The following CHRNA5 variants were observed in gnomAD, a reference collection of about 807,000 sequenced individuals.
CHRNA5 encodes cholinergic receptor nicotinic alpha 5 subunit.
Under a neutral mutation model 41.2 loss-of-function variants are expected in CHRNA5, and 28 were observed. The observed-to-expected ratio is 0.68, with a 90% confidence interval of 0.50 to 0.93. The LOEUF is 0.93. Ranked by LOEUF, CHRNA5 falls within the 40% of genes least tolerant of loss-of-function variation. CHRNA5 has a pLI of 0.00. For synonymous variants in CHRNA5, 188 were observed against 205.8 expected (o/e 0.91, Z 0.74); for missense variants, 481 against 581.9 (o/e 0.83, Z 1.78).
chr15:78,567,488 T>A lies in CHRNA5; in HGVS notation c.106+1663T>A, dbSNP rs1027351896. On this transcript the variant is annotated intron_variant, in intron 1 of 5. Transcript: ENST00000299565. ...TAGTGTAAATAGCTATCTCCCTTCATGCATGGTGTTCAGTGTTATAACAAA... is the reference window on the plus strand; with the variant it reads ...TAGTGTAAATAGCTATCTCCCTTCAAGCATGGTGTTCAGTGTTATAACAAA... Among the ~76,000 whole-genome samples the A allele has an allele frequency of 2.0e-5, 3 of 152,200 alleles. No individual in the cohort carries two copies. The East Asian group carries it at 5.8e-4, about 29-fold the overall frequency.
chr15:78,577,974 AC>A lies in CHRNA5; in HGVS notation c.107-2834del. On this transcript the variant is annotated intron_variant, in intron 1 of 5. Coordinates refer to ENST00000299565, the Ensembl canonical transcript of CHRNA5. ...TATTTATTAATACTTTTATCTTTTA[AC>A]CCTTAAATTTTTGGTATTTCAGGGA... 5.3e-5 allele frequency among the ~76,000 whole-genome samples: 8 copies of A among 151,740 alleles called. 1 individual carries two copies. The South Asian group carries it at 1.7e-3, about 32-fold the overall frequency.
chr15:78,573,137 C>A (rs1043975283), intron 1 of CHRNA5, among the ~76,000 whole-genome samples: 2 of 152,222 alleles, frequency 1.3e-5, no homozygotes, highest in African/African-American at 4.8e-5. Context: ...TGTCTGGAGA[C>A]ATGATTGGTT....
At chr15:78,574,482 A>G (rs1372226820) in intron 1 of CHRNA5, among the ~76,000 whole-genome samples, 1 of 152,056 alleles carries the variant, frequency 6.6e-6, no homozygotes, top group African/African-American at 2.4e-5. Flanking sequence ...GACACTACCT[A>G]ACATAGTAAG....
chr15:78,571,786 A>T lies in CHRNA5; in HGVS notation c.106+5961A>T, dbSNP rs181012469. Among the ~76,000 whole-genome samples the T allele has an allele frequency of 3.4e-4, 52 of 152,314 alleles. 1 individual carries two copies. The East Asian group carries it at 7.7e-3, about 23-fold the overall frequency. ...GTGATAAAAATCAATATAAAATATA[A>T]TGAAAATCCTGGAGCGAAAAAAATC... On this transcript the variant is annotated intron_variant, in intron 1 of 5. Coordinates refer to ENST00000299565, the Ensembl canonical transcript of CHRNA5.
At chr15:78,590,291 A>C (rs757408983) in exon 5 of CHRNA5, 3 of 1,613,940 alleles carry the variant, frequency 1.9e-6, no homozygotes, top group Non-Finnish European at 1.7e-6. Flanking sequence ...TGGTTATTGA[A>C]GAGATCATAC....
rs199906605 is a variant in CHRNA5 at position 78,583,029 on chromosome 15, AT to A, written c.258+2080del. Among the ~76,000 whole-genome samples, 584 of 146,238 alleles carry A rather than the reference AT, an allele frequency of 4.0e-3. 19 individuals are homozygous for A. In the East Asian group the frequency reaches 0.069, roughly 17 times the overall value. ...TAAGACAGCCTCTCCTGTGTTCAAAATTTTTTTTTTTTTGCACTTTAATATG... is the reference window on the plus strand; with the variant it reads ...TAAGACAGCCTCTCCTGTGTTCAAAATTTTTTTTTTTTGCACTTTAATATG... On this transcript the variant is annotated intron_variant, in intron 2 of 5. Transcript: ENST00000299565.
At chr15:78,583,538 C>CA (rs1002967360) in intron 2 of CHRNA5, among the ~76,000 whole-genome samples, 2 of 151,744 alleles carry the variant, frequency 1.3e-5, no homozygotes, top group Admixed American at 6.6e-5. Context: ...CTAAAAAATA[C>CA]AAAAAAATTA....
rs202079097 is a variant in CHRNA5 at position 78,569,432 on chromosome 15, AT to A, written c.106+3626del. Among the ~76,000 whole-genome samples the A allele has an allele frequency of 2.2e-3, 298 of 137,362 alleles. 1 individual carries two copies. Among genetic ancestry groups the A allele is most frequent in the Middle Eastern group, 7.8e-3 (2 of 258 alleles). 90.1% of individuals were successfully genotyped at this position (137,362 alleles called of 152,430 possible). ...ACAATTAGAGTTGTTAAATATTGGA[AT>A]TTTTTTTTTTTTTTTTTTGAGACGG... On this transcript the variant is annotated intron_variant, in intron 1 of 5. Transcript: ENST00000299565.
intron 1 of CHRNA5, among the ~76,000 whole-genome samples, chr15:78,566,811 G>A (rs2052751899): frequency 1.3e-5 from 2 of 151,118 alleles, no homozygotes; most frequent in Non-Finnish European, 2.9e-5. Flanking sequence ...TAAGATGGAG[G>A]GTGATTTAAA....
intron 2 of CHRNA5, 112 bp downstream of exon 2, chr15:78,581,074 C>G: frequency 9.1e-7 from 1 of 1,097,592 alleles, no homozygotes; most frequent in Non-Finnish European, 1.3e-6. Context: ...TGAAGCAGTC[C>G]TTTGCCTGAA....
intron 5 of CHRNA5, among the ~76,000 whole-genome samples, chr15:78,592,054 T>C (rs2053020526): frequency 6.6e-6 from 1 of 152,210 alleles, no homozygotes. Flanking sequence ...CCAGGTGCGG[T>C]GGCTCACGCC....
intron 2 of CHRNA5, among the ~76,000 whole-genome samples, chr15:78,582,960 C>T (rs746009400): frequency 1.3e-5 from 2 of 152,134 alleles, no homozygotes; most frequent in Non-Finnish European, 2.9e-5. Flanking sequence ...TATTCAAGGC[C>T]AAATTCATCT....
exon 6 of CHRNA5, chr15:78,595,266 G>A (rs1477197835): frequency 7.1e-6 from 7 of 983,166 alleles, no homozygotes; most frequent in Admixed American, 6.2e-5. Flanking sequence ...AATTTTTATC[G>A]ACATCTTTCT....
intron 1 of CHRNA5, among the ~76,000 whole-genome samples, chr15:78,575,447 A>T (rs912165694): frequency 6.6e-6 from 1 of 151,854 alleles, no homozygotes; most frequent in African/African-American, 2.4e-5. Context: ...TTTCTGAGAT[A>T]TGTGGTTTAT....
chr15:78,577,524 T>A (rs76540166), intron 1 of CHRNA5, among the ~76,000 whole-genome samples: 1 of 152,348 alleles, frequency 6.6e-6, no homozygotes, highest in East Asian at 1.9e-4. Context: ...TTAGGTAGAA[T>A]GTTGGGATTA....
chr15:78,580,253 C>G (rs914409991), intron 1 of CHRNA5, among the ~76,000 whole-genome samples: 1 of 123,466 alleles, frequency 8.1e-6, no homozygotes, highest in Non-Finnish European at 1.5e-5. Flanking sequence ...CACTTCCAGC[C>G]TGGGAGACCA....
chr15:78,583,647 A>T (rs949495530), intron 2 of CHRNA5, among the ~76,000 whole-genome samples: 1 of 151,318 alleles, frequency 6.6e-6, no homozygotes, highest in Non-Finnish European at 1.5e-5. Flanking sequence ...GTGAGCCGAG[A>T]TTGCGCCACT....
chr15:78,573,963 A>ATTTTTTTTTTTTTTTTTTTTTT (rs979485573), intron 1 of CHRNA5, among the ~76,000 whole-genome samples: 3 of 102,100 alleles, frequency 2.9e-5, no homozygotes, highest in Non-Finnish European at 5.9e-5. Context: ...CGCCTGGCTA[A>ATTTTTTTTTTTTTTTTTTTTTT]TTTTTTTTTT....
intron 4 of CHRNA5, chr15:78,589,279 G>A (rs111630877): frequency 1.3e-5 from 2 of 152,470 alleles, no homozygotes; most frequent in Non-Finnish European, 2.9e-5. Context: ...CCTAGTATAT[G>A]GATTCTATAC....
Sources: allele counts gnomAD v4.1 joint callset (sites outside exome capture counted in the v4.1 genomes callset), GRCh38; gene constraint gnomAD v4.1.1; transcripts MANE v1.5; gene names NCBI Gene and HGNC (gene_info 2026-07-23, HGNC 2026-07-21).